The following SPOCK3 variants were observed in gnomAD, a reference collection of about 807,000 sequenced individuals.
SPOCK3 encodes the protein testican-3.
A neutral mutation model predicts 56.6 loss-of-function variants in SPOCK3; 30 were observed. The observed-to-expected ratio is 0.53, with a 90% CI of 0.40 to 0.72. SPOCK3 has a LOEUF of 0.72. Ranked by LOEUF, SPOCK3 falls within the 30% of genes least tolerant of loss-of-function variation. The pLI is 0.00. For synonymous variants in SPOCK3, 196 were observed against 183.3 expected (o/e 1.07, Z -0.56); for missense variants, 527 against 530.0 (o/e 0.99, Z 0.06).
At chr4:167,063,275 G>T (rs1349070017) in intron 2 of SPOCK3, among the ~76,000 whole-genome samples, 1 of 151,704 alleles carries the variant, frequency 6.6e-6, no homozygotes, top group Non-Finnish European at 1.5e-5. Flanking sequence ...AGGCCAAATA[G>T]ACTATGTCTA....
chr4:166,794,620 CTTTTT>C (rs950662897), intron 6 of SPOCK3, among the ~76,000 whole-genome samples: 2 of 139,422 alleles, frequency 1.4e-5, no homozygotes, highest in South Asian at 2.4e-4. Flanking sequence ...GTTTCTTTTT[CTTTTT>C]TTTTTCTTTC....
chr4:166,804,189 A>G lies in SPOCK3; in HGVS notation c.590-11900T>C, dbSNP rs185661972. Among the ~76,000 whole-genome samples the G allele has an allele frequency of 7.2e-5, 11 of 152,254 alleles. 1 individual carries two copies. In the East Asian group the frequency reaches 1.7e-3, roughly 24 times the overall value. ...GACGTCAGAATTCTGGGGCTGCCATAACAAAGTACCACAGGCTGGGTGAAA... is the reference window on the plus strand; with the variant it reads ...GACGTCAGAATTCTGGGGCTGCCATGACAAAGTACCACAGGCTGGGTGAAA... On this transcript the variant is annotated intron_variant, in intron 6 of 10. Coordinates refer to ENST00000357545, the MANE Select transcript of SPOCK3 (RefSeq NM_001040159.2).
chr4:167,064,655 G>C (rs1290651858), intron 2 of SPOCK3, among the ~76,000 whole-genome samples: 6 of 151,754 alleles, frequency 4.0e-5, no homozygotes. Flanking sequence ...ACATGCACAC[G>C]TGAGTGATGG....
At chr4:167,231,312 C>T (rs1207715543) in intron 2 of SPOCK3, among the ~76,000 whole-genome samples, 3 of 151,158 alleles carry the variant, frequency 2.0e-5, no homozygotes, top group Non-Finnish European at 4.4e-5. Context: ...ACAGTCACTT[C>T]GGAAGAAAAA....
At chr4:166,792,125 C>G in intron 7 of SPOCK3, 45 bp downstream of exon 7, 1 of 1,610,440 alleles carries the variant, frequency 6.2e-7, no homozygotes. Flanking sequence ...GGAAATAAAA[C>G]TTCATAACAG....
In SPOCK3 at chr4:167,022,623, C is replaced by A. The variant is rs185170046; in HGVS notation, c.236-22160G>T. 2.0e-4 allele frequency among the ~76,000 whole-genome samples: 30 copies of A among 152,006 alleles called. 1 individual carries two copies. The South Asian group carries it at 2.9e-3, about 15-fold the overall frequency. On this transcript the variant is annotated intron_variant, in intron 3 of 10. Coordinates refer to ENST00000357545, the MANE Select transcript of SPOCK3 (RefSeq NM_001040159.2). The stretch of plus-strand genomic sequence containing the variant: ...GTACAGCCCAAGTTTATGGATAGGT[C>A]AGAAATGAATTCCATTGCATTATGA...
At chr4:167,101,498 C>T (rs2150325652) in intron 2 of SPOCK3, among the ~76,000 whole-genome samples, 1 of 152,030 alleles carries the variant, frequency 6.6e-6, no homozygotes, top group South Asian at 2.1e-4. Flanking sequence ...CTCTACATAC[C>T]TCAGAAACTC....
intron 2 of SPOCK3, among the ~76,000 whole-genome samples, chr4:167,076,748 A>G (rs1351550350): frequency 6.6e-6 from 1 of 151,852 alleles, no homozygotes; most frequent in Non-Finnish European, 1.5e-5. Context: ...CTTATGACCC[A>G]CTGTGAAACT....
chr4:166,828,632 T>C (rs17701990), intron 6 of SPOCK3, among the ~76,000 whole-genome samples: 12,994 of 152,038 alleles, frequency 0.085, 748 homozygotes, highest in East Asian at 0.28. Context: ...AGCTTCCTCC[T>C]TGACATTGTG....
chr4:166,908,635 A>C (rs1736896345), intron 5 of SPOCK3, among the ~76,000 whole-genome samples: 1 of 152,012 alleles, frequency 6.6e-6, no homozygotes, highest in Non-Finnish European at 1.5e-5. Flanking sequence ...GCATCACTAA[A>C]TATGATAGAA....
chr4:167,078,530 G>T (rs1210254126), intron 2 of SPOCK3, among the ~76,000 whole-genome samples: 1 of 151,566 alleles, frequency 6.6e-6, no homozygotes, highest in African/African-American at 2.4e-5. Context: ...AAGCCTAAGT[G>T]TTTTAAGGTT....
In SPOCK3 at chr4:166,981,815, G is replaced by A. The variant is rs570569409; in HGVS notation, c.350+18534C>T. The stretch of plus-strand genomic sequence containing the variant: ...GGGAGCCTGCTGGCCTGCACAAGCT[G>A]GACTCAGCACCCCTGGCCTCTGTCC... On this transcript the variant is annotated intron_variant, in intron 4 of 10. Coordinates refer to ENST00000357545, the MANE Select transcript of SPOCK3 (RefSeq NM_001040159.2). 2.0e-5 allele frequency among the ~76,000 whole-genome samples: 3 copies of A among 152,264 alleles called. No homozygotes were observed. The South Asian group carries it at 6.2e-4, about 32-fold the overall frequency.
chr4:166,750,574 A>C (rs547293715), intron 8 of SPOCK3, among the ~76,000 whole-genome samples: 1 of 152,224 alleles, frequency 6.6e-6, no homozygotes, highest in African/African-American at 2.4e-5. Flanking sequence ...ATAGAAGTTA[A>C]ATTTCCAGAT....
chr4:166,993,496 T>C (rs1481714871), intron 4 of SPOCK3, among the ~76,000 whole-genome samples: 1 of 152,168 alleles, frequency 6.6e-6, no homozygotes, highest in Non-Finnish European at 1.5e-5. Context: ...CCCACCCTCA[T>C]GCTATTTCTC....
intron 6 of SPOCK3, among the ~76,000 whole-genome samples, chr4:166,835,640 G>A (rs546981171): frequency 3.1e-4 from 47 of 152,138 alleles, no homozygotes; most frequent in African/African-American, 1.1e-3. Flanking sequence ...GGTTCTAAAC[G>A]TTGTTTATCC....
intron 5 of SPOCK3, among the ~76,000 whole-genome samples, chr4:166,908,528 A>G (rs1290939461): frequency 2.6e-5 from 1 of 39,182 alleles, no homozygotes; most frequent in Non-Finnish European, 6.4e-5. Flanking sequence ...AAAACCATGC[A>G]CACACACACA....
chr4:167,222,037 A>G (rs1735970678), intron 2 of SPOCK3, among the ~76,000 whole-genome samples: 2 of 152,166 alleles, frequency 1.3e-5, no homozygotes, highest in South Asian at 4.1e-4. Context: ...TTACAATAGC[A>G]AAGAGGTAGA....
At chr4:166,834,058 A>G (rs1746362580) in intron 6 of SPOCK3, among the ~76,000 whole-genome samples, 1 of 152,150 alleles carries the variant, frequency 6.6e-6, no homozygotes, top group Non-Finnish European at 1.5e-5. Context: ...AAGAATCAAG[A>G]GTTTTTTTCC....
At chr4:167,158,921 G>T (rs918798700) in intron 2 of SPOCK3, among the ~76,000 whole-genome samples, 1 of 152,010 alleles carries the variant, frequency 6.6e-6, no homozygotes. Context: ...ACCTACTCAT[G>T]CAAACTAGAA....
Sources: allele counts gnomAD v4.1 joint callset (sites outside exome capture counted in the v4.1 genomes callset), GRCh38; gene constraint gnomAD v4.1.1; transcripts MANE v1.5; gene names NCBI Gene and HGNC (gene_info 2026-07-23, HGNC 2026-07-21).